Variants in KAT14 observed in about 807,000 individuals in gnomAD.
The protein encoded by KAT14 is lysine acetyltransferase 14, also known as cysteine-rich protein 2-binding protein.
KAT14 carries 66 observed loss-of-function variants against 78.4 expected under a neutral mutation model. The observed-to-expected ratio is 0.84, with a 90% CI of 0.69 to 1.03. The LOEUF is 1.03. Among genes scored for constraint, KAT14 ranks in the 50% least tolerant of loss-of-function variants. KAT14 has a pLI of 0.00. For missense variants in KAT14, 870 were observed against 972.5 expected (o/e 0.89, Z 1.40); for synonymous variants, 344 against 359.4 (o/e 0.96, Z 0.48).
rs2038435501 is a variant in KAT14 at position 18,161,851 on chromosome 20, T to C, written c.711T>C (p.Ile237=). 6.2e-7 allele frequency: 1 copy of C among 1,613,886 alleles called. No individual in the cohort carries two copies. Among genetic ancestry groups the C allele is most frequent in the Non-Finnish European group, 8.5e-7 (1 of 1,180,004 alleles). Residue 237 remains isoleucine, a synonymous_variant, in exon 6 of 11, where the codon ATT becomes ATC. Coordinates refer to ENST00000688188, the MANE Select transcript of KAT14 (RefSeq NM_001392073.1). The stretch of plus-strand genomic sequence containing the variant: ...CAAAACCAACTTTAGATCCCATCAT[T>C]ACTGTTGAGGGACTTAGAAAACGAG... ...KASKPTLDPI[I]TVEGLRKRAS...
At chr20:18,176,650 G>T (rs747318440) in intron 7 of KAT14, among the ~76,000 whole-genome samples, 9 of 152,316 alleles carry the variant, frequency 5.9e-5, no homozygotes, top group Admixed American at 1.3e-4. Flanking sequence ...CAGGAGTTGG[G>T]TTGGTGTATG....
At chr20:18,153,344 G>A (rs993869693) in intron 4 of KAT14, among the ~76,000 whole-genome samples, 1 of 152,138 alleles carries the variant, frequency 6.6e-6, no homozygotes, top group Non-Finnish European at 1.5e-5. Flanking sequence ...GAAAAGAATC[G>A]ACACTATAAC....
intron 9 of KAT14, among the ~76,000 whole-genome samples, chr20:18,184,370 A>C (rs1405967686): frequency 6.6e-6 from 1 of 151,366 alleles, no homozygotes; most frequent in Non-Finnish European, 1.5e-5. Context: ...ACTGCTACCT[A>C]CCCTATTCTG....
chr20:18,137,834 G>C (rs1055955509), upstream of KAT14: 2 of 1,055,956 alleles, frequency 1.9e-6, no homozygotes, highest in Admixed American at 4.2e-5. Context: ...CGGCGCACGC[G>C]ACGGCTGGGG....
In KAT14 at chr20:18,161,972, G is replaced by A. The variant is rs753030276; in HGVS notation, c.832G>A (p.Ala278Thr). ...KDIRRAQKEAAGFLDRSTSST... is the reference protein window; with the variant it reads ...KDIRRAQKEATGFLDRSTSST... ...CATTAGAAGAGCCCAGAAGGAGGCCGCTGGCTTTCTTGACAGGAGCACATC... is the reference window on the plus strand; with the variant it reads ...CATTAGAAGAGCCCAGAAGGAGGCCACTGGCTTTCTTGACAGGAGCACATC... The change falls in exon 6 of 11, where the codon GCT (alanine) becomes ACT (threonine). Residue 278 changes from alanine (A) to threonine (T), a missense_variant. Coordinates refer to ENST00000688188, the MANE Select transcript of KAT14 (RefSeq NM_001392073.1). 45 of 1,614,270 alleles carry A rather than the reference G, an allele frequency of 2.8e-5. No homozygotes were observed. The highest frequency in any genetic ancestry group is 2.0e-4 in the East Asian group (9 of 44,892).
At chr20:18,142,127 A>C (rs2037609984) in intron 1 of KAT14, 81 bp from the exon 2 acceptor site, 1 of 1,374,664 alleles carries the variant, frequency 7.3e-7, no homozygotes. Context: ...TTTTGGTAAC[A>C]CTGTTATTTG....
At chr20:18,141,051 T>TTTGTTTTTTTTTTG (rs58888387) in intron 1 of KAT14, among the ~76,000 whole-genome samples, 1 of 109,704 alleles carries the variant, frequency 9.1e-6, no homozygotes. Context: ...TTTTTTATTT[T>TTTGTTTTTTTTTTG]TATTTTTGCT....
chr20:18,162,662 T>C lies in KAT14; in HGVS notation c.1385T>C (p.Val462Ala), dbSNP rs2038487528. 1.2e-6 allele frequency: 2 copies of C among 1,614,084 alleles called. No homozygotes were observed. Among genetic ancestry groups the C allele is most frequent in the Admixed American group, 1.7e-5 (1 of 60,006 alleles). ...TKPKEPRYTP[V>A]SIYEEKLLLK... ...CCGAAAGAGCCCAGGTATACTCCCG[T>C]GAGCATCTACGAGGAAAAGCTGCTG... Residue 462 changes from valine to alanine, a missense_variant, in exon 7 of 11, where the codon GTG (valine) becomes GCG (alanine). Coordinates refer to ENST00000688188, the MANE Select transcript of KAT14 (RefSeq NM_001392073.1).
chr20:18,160,318 C>T (rs1027859972), intron 5 of KAT14, among the ~76,000 whole-genome samples: 6 of 152,310 alleles, frequency 3.9e-5, no homozygotes, highest in African/African-American at 1.2e-4. Flanking sequence ...CCCAGAGTAA[C>T]CACTGTTGTC....
intron 4 of KAT14, among the ~76,000 whole-genome samples, chr20:18,155,700 A>T (rs550262644): frequency 6.6e-6 from 1 of 152,260 alleles, no homozygotes; most frequent in Admixed American, 6.5e-5. Context: ...ATACCACCTC[A>T]TGCCTCTTAG....
At chr20:18,169,402 C>T (rs1057339021) in intron 7 of KAT14, among the ~76,000 whole-genome samples, 2 of 152,156 alleles carry the variant, frequency 1.3e-5, no homozygotes, top group Non-Finnish European at 2.9e-5. Context: ...CTCTGTGTCT[C>T]ACGTTTTGGC....
At chr20:18,173,230 T>A (rs1459366589) in intron 7 of KAT14, among the ~76,000 whole-genome samples, 1 of 152,206 alleles carries the variant, frequency 6.6e-6, no homozygotes, top group Non-Finnish European at 1.5e-5. Flanking sequence ...GTGAACCTTG[T>A]GGAGTGGAGT....
intron 7 of KAT14, among the ~76,000 whole-genome samples, chr20:18,177,496 G>C (rs538661647): frequency 6.6e-6 from 1 of 152,166 alleles, no homozygotes; most frequent in Non-Finnish European, 1.5e-5. Flanking sequence ...AGGGATGGAG[G>C]AATTGTTAGT....
At position 18,162,703 on chromosome 20, in the gene KAT14, G is replaced by T. The variant is rs372711116; in HGVS notation, c.1426G>T (p.Ala476Ser). 17 of 1,614,218 alleles carry T rather than the reference G, an allele frequency of 1.1e-5. No homozygotes were observed. In the South Asian group the frequency reaches 1.3e-4, roughly 13 times the overall value. ...AAAGCTGCTGCTCAAGAGGCTGGAA[G>T]CTTGTCCCGGTGCTGTTGCCATGAC... ...EEKLLLKRLE[A>S]CPGAVAMTPE... The change falls in exon 7 of 11, where the codon GCT becomes TCT. Residue 476 changes from alanine to serine, a missense_variant. Physicochemically the swap from Ala to Ser is moderately conservative, Grantham distance 99. Coordinates refer to ENST00000688188, the MANE Select transcript of KAT14 (RefSeq NM_001392073.1).
At chr20:18,145,174 C>T (rs2037778988) in intron 2 of KAT14, 59 bp from the exon 3 acceptor site, 10 of 1,581,334 alleles carry the variant, frequency 6.3e-6, no homozygotes, top group Non-Finnish European at 8.6e-6. Context: ...ACGGATTAAA[C>T]CTTTAGGTTA....
intron 7 of KAT14, among the ~76,000 whole-genome samples, chr20:18,174,864 C>T (rs940340196): frequency 6.6e-6 from 1 of 152,036 alleles, no homozygotes; most frequent in Admixed American, 6.6e-5. Context: ...TGGGTTTCAT[C>T]ATGTTGGCCA....
At chr20:18,163,035 C>T in intron 7 of KAT14, 90 bp downstream of exon 7, 1 of 1,433,058 alleles carries the variant, frequency 7.0e-7, no homozygotes, top group Non-Finnish European at 9.3e-7. Flanking sequence ...TATGCTGTGA[C>T]CTTTTAAATC....
intron 2 of KAT14, among the ~76,000 whole-genome samples, chr20:18,144,243 T>G (rs1425643671): frequency 3.9e-5 from 6 of 152,164 alleles, no homozygotes; most frequent in South Asian, 2.1e-4. Context: ...AGTTAGCTGG[T>G]TTTTGCTTCT....
intron 3 of KAT14, among the ~76,000 whole-genome samples, chr20:18,146,883 G>GTTCA (rs919856900): frequency 6.6e-6 from 1 of 151,888 alleles, no homozygotes; most frequent in Non-Finnish European, 1.5e-5. Context: ...TAGTTTTTAT[G>GTTCA]TTCATTCATT....
Sources: gnomAD v4.1 joint callset for allele counts (sites outside exome capture counted in the v4.1 genomes callset) on GRCh38, gnomAD v4.1.1 for gene constraint, MANE v1.5 for transcripts, NCBI Gene and HGNC (gene_info 2026-07-23, HGNC 2026-07-21) for gene names.